The following MAST2 variants were observed in gnomAD, a reference collection of about 807,000 sequenced individuals.
MAST2 encodes the protein microtubule associated serine/threonine kinase 2, also known as microtubule-associated serine/threonine-protein kinase 2.
A neutral mutation model predicts 147.4 loss-of-function variants in MAST2; 70 were observed. That is an observed-to-expected ratio of 0.47 (90% CI 0.39 to 0.58). The LOEUF (loss-of-function observed/expected upper bound fraction) is 0.58. Ranked by LOEUF, MAST2 falls within the 20% of genes least tolerant of loss-of-function variation. The probability of loss-of-function intolerance (pLI) is 0.00; values close to 1 mark genes in which losing one functional copy is unlikely to be tolerated. For missense variants in MAST2, 2,080 were observed against 2,302.3 expected (o/e 0.90, Z 1.98); for synonymous variants, 869 against 896.8 (o/e 0.97, Z 0.55).
chr1:45,913,992 GA>G (rs1652078753), intron 4 of MAST2: 9 of 651,810 alleles, frequency 1.4e-5, no homozygotes, highest in Non-Finnish European at 1.8e-5. Flanking sequence ...TGCCTGTCAG[GA>G]AGAGGGCTGA....
intron 3 of MAST2, among the ~76,000 whole-genome samples, chr1:45,835,794 A>C (rs540701131): frequency 1.3e-5 from 2 of 152,034 alleles, no homozygotes; most frequent in Non-Finnish European, 2.9e-5. Context: ...GGCAACCACT[A>C]ATCTGCTTTT....
At chr1:45,899,343 T>C (rs1012851386) in intron 4 of MAST2, among the ~76,000 whole-genome samples, 32 of 141,340 alleles carry the variant, frequency 2.3e-4, no homozygotes, top group Admixed American at 4.5e-4. Context: ...CAGGGGTACA[T>C]GTGCAGGATT....
intron 5 of MAST2, among the ~76,000 whole-genome samples, chr1:45,986,291 T>C (rs1430427454): frequency 6.6e-6 from 1 of 152,232 alleles, no homozygotes; most frequent in African/African-American, 2.4e-5. Flanking sequence ...TGATTATATG[T>C]TTTTTTCTTG....
intron 10 of MAST2, among the ~76,000 whole-genome samples, chr1:46,018,038 A>G (rs947018245): frequency 2.0e-5 from 3 of 151,968 alleles, no homozygotes; most frequent in Admixed American, 2.0e-4. Context: ...TCCTGTGGCC[A>G]CTTTCAGTTC....
At chr1:45,904,449 C>G (rs1242604312) in intron 4 of MAST2, among the ~76,000 whole-genome samples, 1 of 152,040 alleles carries the variant, frequency 6.6e-6, no homozygotes, top group East Asian at 1.9e-4. Flanking sequence ...GCTGAGATTA[C>G]AGGCATGAGC....
At chr1:45,886,313 T>TACACACAC (rs56032969) in intron 4 of MAST2, among the ~76,000 whole-genome samples, 28 of 145,586 alleles carry the variant, frequency 1.9e-4, no homozygotes, top group African/African-American at 6.8e-4. Flanking sequence ...TATCTATAAG[T>TACACACAC]ACACACACAC....
chr1:45,868,136 G>GA (rs1438844949), intron 3 of MAST2, among the ~76,000 whole-genome samples: 1 of 152,240 alleles, frequency 6.6e-6, no homozygotes, highest in African/African-American at 2.4e-5. Flanking sequence ...TGTTTTGCTT[G>GA]AAAAGCTGTT....
chr1:46,027,902 A>C, intron 17 of MAST2, 39 bp downstream of exon 17: 1 of 1,610,864 alleles, frequency 6.2e-7, no homozygotes, highest in Non-Finnish European at 8.5e-7. Context: ...GTTAAATTCT[A>C]GGCCCTTGTC....
chr1:45,937,428 G>T (rs1052262597), intron 4 of MAST2, among the ~76,000 whole-genome samples: 1 of 151,920 alleles, frequency 6.6e-6, no homozygotes, highest in African/African-American at 2.4e-5. Context: ...ACCATGCCTG[G>T]CTGAGACAAA....
At chr1:45,962,564 G>C (rs952334058) in intron 5 of MAST2, among the ~76,000 whole-genome samples, 56 of 152,226 alleles carry the variant, frequency 3.7e-4, no homozygotes, top group African/African-American at 1.4e-3. Context: ...CTGCATAAAT[G>C]TCTTCTTTTG....
In MAST2 at chr1:46,033,955, G is replaced by A; in HGVS notation, c.3674+17G>A. ...GCAAGAAAGGTGAGCCAGGCGCAGTGAAGAGGGTTTTCTCTGAGCCACATG... is the reference window on the plus strand; with the variant it reads ...GCAAGAAAGGTGAGCCAGGCGCAGTAAAGAGGGTTTTCTCTGAGCCACATG... On this transcript the variant is annotated intron_variant, in intron 27 of 28. Transcript: ENST00000361297. 6.2e-7 allele frequency: 1 copy of A among 1,613,764 alleles called. No homozygotes were observed. The highest frequency in any genetic ancestry group is 2.2e-5 in the East Asian group (1 of 44,876).
In MAST2 at chr1:46,003,658, G is replaced by T. The variant is rs186521509; in HGVS notation, c.747+775G>T. Among the ~76,000 whole-genome samples, 265 of 152,082 alleles carry T rather than the reference G, an allele frequency of 1.7e-3. 1 individual carries two copies. The highest frequency in any genetic ancestry group is 6.0e-3 in the African/African-American group (248 of 41,498). Reference sequence around the variant, plus strand: ...GCAGGCTAATTTTTTGTAGAGAGGGGGTTTCATCATGTTTCCCAGGCTGGT... The same window carrying T: ...GCAGGCTAATTTTTTGTAGAGAGGGTGTTTCATCATGTTTCCCAGGCTGGT... On this transcript the variant is annotated intron_variant, in intron 7 of 28. Coordinates refer to ENST00000361297, the MANE Select transcript of MAST2 (RefSeq NM_015112.3).
Position 46,034,542 on chromosome 1 carries a change from A to G in MAST2, c.3873A>G (p.Gly1291=), listed in dbSNP as rs958333207. ...TCTGTCTGTCTCTGTACAAAGTGGG[A>G]GGGAATTCATCACAGAGCAGCTCCC... The part of the protein sequence containing the change: ...RVTPDAVHSV[G]GNSSQSSSPS... The change falls in exon 29 of 29, where the codon GGA becomes GGG. Residue 1291 remains glycine (G), a synonymous_variant. Coordinates refer to ENST00000361297, the MANE Select transcript of MAST2 (RefSeq NM_015112.3). 4 of 1,612,468 alleles carry G rather than the reference A, an allele frequency of 2.5e-6. No homozygotes were observed. Among genetic ancestry groups the G allele is most frequent in the Non-Finnish European group, 3.4e-6 (4 of 1,179,210 alleles).
At chr1:45,905,507 G>C (rs909818219) in intron 4 of MAST2, among the ~76,000 whole-genome samples, 1 of 152,130 alleles carries the variant, frequency 6.6e-6, no homozygotes, top group Non-Finnish European at 1.5e-5. Flanking sequence ...GGCTGTGCGC[G>C]GTGGCTCACG....
intron 10 of MAST2, among the ~76,000 whole-genome samples, chr1:46,012,058 TTAAAA>T (rs887951164): frequency 2.6e-5 from 4 of 152,204 alleles, no homozygotes; most frequent in African/African-American, 4.8e-5. Context: ...AAAGAAATAC[TTAAAA>T]TAAAACATTG....
chr1:45,986,758 C>G (rs1303991392), intron 5 of MAST2, among the ~76,000 whole-genome samples: 1 of 148,084 alleles, frequency 6.8e-6, no homozygotes, highest in African/African-American at 2.5e-5. Context: ...TTGTATTAGT[C>G]TTTTTATATG....
chr1:45,804,061 G>A lies in MAST2; in HGVS notation c.166G>A (p.Gly56Ser). 1.6e-6 allele frequency: 2 copies of A among 1,281,434 alleles called. No individual in the cohort carries two copies. The highest frequency in any genetic ancestry group is 2.0e-6 in the Non-Finnish European group (2 of 1,006,794). The allele number at this position is 1,281,434 out of a possible 1,614,324, so 79.4% of individuals were successfully genotyped here. Residue 56 changes from glycine (G) to serine (S), a missense_variant, in exon 1 of 29, where the codon GGC becomes AGC. Coordinates refer to ENST00000361297, the MANE Select transcript of MAST2 (RefSeq NM_015112.3). ...GCGGACGGGCCCCGCGGGGCCCGAG[G>A]GCAAGGAGCAGGTAGGGCGGGTTGG... ...EERTGPAGPE[G>S]KEQDVVTGVS...
In MAST2 at chr1:46,031,246, A is replaced by G; in HGVS notation, c.2948A>G (p.Lys983Arg). ...GAACACTCAGGGGAGCAGCGGCCAA[A>G]GCTGGATGAGGAAGCTGTTGGCCGG... is the stretch of plus-strand genomic sequence containing the variant. ...VTEHSGEQRP[K>R]LDEEAVGRSS... is the part of the protein sequence containing the mutation. Residue 983 changes from lysine to arginine, a missense_variant, in exon 23 of 29, where the codon AAG becomes AGG. Lys to Arg is a conservative substitution (Grantham distance 26). Around this residue, in one of 4 missense-constraint regions of MAST2, gnomAD observed 1,278 missense variants for 1,304.2 expected, o/e 0.98. Coordinates refer to ENST00000361297, the MANE Select transcript of MAST2 (RefSeq NM_015112.3). This position sits in a 1 kb window ranked among gnomAD's most constrained non-coding sequence, Gnocchi z 4.1. The G allele has an allele frequency of 6.5e-7, 1 of 1,537,362 alleles. No individual in the cohort carries two copies. The highest frequency in any genetic ancestry group is 1.3e-5 in the South Asian group (1 of 79,378).
In MAST2 at chr1:46,032,160, T is replaced by C. The variant is rs750907275; in HGVS notation, c.3188-18T>C. 1 of 1,607,876 alleles carries C rather than the reference T, an allele frequency of 6.2e-7. No individual in the cohort carries two copies. The highest frequency in any genetic ancestry group is 8.5e-7 in the Non-Finnish European group (1 of 1,174,334). ...CAAAGCCCTCTGACCCACTAAGTCC[T>C]GGCTTCTCCTTCTCCAGAACACCAC... On this transcript the variant is annotated intron_variant, in intron 24 of 28. Coordinates refer to ENST00000361297, the MANE Select transcript of MAST2 (RefSeq NM_015112.3).
Sources: allele counts gnomAD v4.1 joint callset (sites outside exome capture counted in the v4.1 genomes callset), GRCh38; gene constraint gnomAD v4.1.1; regional missense constraint gnomAD v4.1.1; non-coding constraint Gnocchi (gnomAD v3.1); transcripts MANE v1.5; gene names NCBI Gene and HGNC (gene_info 2026-07-23, HGNC 2026-07-21).